Variants in TBC1D2B observed in about 807,000 individuals in gnomAD.
The protein encoded by TBC1D2B is TBC1 domain family member 2B.
In TBC1D2B, 64 loss-of-function variants were observed where a neutral mutation model predicts 100.8. That is an observed-to-expected ratio of 0.64 (90% confidence interval 0.52 to 0.78). The LOEUF is 0.78. Ranked by LOEUF, TBC1D2B falls within the 30% of genes least tolerant of loss-of-function variation. The probability of loss-of-function intolerance (pLI) is 0.00; values close to 1 mark genes in which losing one functional copy is unlikely to be tolerated. For synonymous variants in TBC1D2B, 480 were observed against 479.7 expected, an observed-to-expected ratio of 1.00 and a Z score of -0.01; for missense variants, 1,052 against 1,218.4, an observed-to-expected ratio of 0.86 and a Z score of 2.03.
At chr15:78,020,889 G>A (rs190517718) in intron 6 of TBC1D2B, among the ~76,000 whole-genome samples, 13 of 152,276 alleles carry the variant, frequency 8.5e-5, no homozygotes, top group African/African-American at 3.1e-4. Context: ...AACAGCAAAC[G>A]CAGGAAGAAA....
At position 78,077,422 on chromosome 15, in the gene TBC1D2B, C is replaced by A. The variant is rs755359978; in HGVS notation, c.231G>T (p.Leu77=). 1.3e-6 allele frequency: 2 copies of A among 1,545,942 alleles called. No homozygotes were observed. The highest frequency in any genetic ancestry group is 2.4e-5 in the South Asian group (2 of 83,632). The change falls in exon 1 of 13, where the codon CTG becomes CTT. Residue 77 remains leucine (L), a synonymous_variant. Coordinates refer to ENST00000300584, the MANE Select transcript of TBC1D2B (RefSeq NM_144572.2). ...CCGCGATGTCCAAGTGGCCGAGGGG[C>A]AGCGCGTCCTGCGGACTCTTGAAAT... The part of the protein sequence containing the change: ...LYYFKSPQDA[L]PLGHLDIADA...
intron 3 of TBC1D2B, among the ~76,000 whole-genome samples, chr15:78,039,039 T>G (rs1020478778): frequency 5.9e-5 from 9 of 152,174 alleles, no homozygotes; most frequent in Admixed American, 3.9e-4. Context: ...TTCCTGCAAC[T>G]GCTGAAACTC....
At chr15:78,026,084 A>C (rs1244745060) in intron 4 of TBC1D2B, among the ~76,000 whole-genome samples, 2 of 151,812 alleles carry the variant, frequency 1.3e-5, no homozygotes, top group African/African-American at 4.8e-5. Context: ...CATACTAAGC[A>C]TCCTATTTTT....
chr15:78,073,926 G>A lies in TBC1D2B; in HGVS notation c.360+3367C>T, dbSNP rs553762456. Among the ~76,000 whole-genome samples the A allele has an allele frequency of 1.1e-3, 160 of 151,442 alleles. 1 individual carries two copies. The highest frequency in any genetic ancestry group is 3.6e-3 in the African/African-American group (150 of 41,288). ...AGAGGTTGCAGTTAGCAGAGACTGTGCCACTGCACTCCAGCCTGGGCGACA... is the reference window on the plus strand; with the variant it reads ...AGAGGTTGCAGTTAGCAGAGACTGTACCACTGCACTCCAGCCTGGGCGACA... On this transcript the variant is annotated intron_variant, in intron 1 of 12. Transcript: ENST00000300584.
At chr15:78,008,950 C>A in intron 10 of TBC1D2B, 47 bp downstream of exon 10, 1 of 1,341,940 alleles carries the variant, frequency 7.5e-7, no homozygotes, top group Non-Finnish European at 1.0e-6. Flanking sequence ...CACATTTCAG[C>A]TGCAATTCTA....
Position 78,010,647 on chromosome 15 carries a change from G to A in TBC1D2B, c.2271-1533C>T, listed in dbSNP as rs563134598. Among the ~76,000 whole-genome samples, 29 of 152,030 alleles carry A rather than the reference G, an allele frequency of 1.9e-4. No homozygotes were observed. In the South Asian group the frequency reaches 5.2e-3, roughly 27 times the overall value. ...AAATTGAGAGACAGGACTCGATGGC[G>A]CCAGGAGAAGGGGTAGAGAGTCTGA... On this transcript the variant is annotated intron_variant, in intron 9 of 12. Coordinates refer to ENST00000300584, the MANE Select transcript of TBC1D2B (RefSeq NM_144572.2).
In TBC1D2B at chr15:78,029,992, G is replaced by A. The variant is rs1031271402; in HGVS notation, c.847+15C>T. On this transcript the variant is annotated intron_variant, in intron 4 of 12. Coordinates refer to ENST00000300584, the MANE Select transcript of TBC1D2B (RefSeq NM_144572.2). ...CAGTACAGAGAATGACAGACAACAG[G>A]AAGTACATTGATACCTTTGTTTCCT... The A allele has an allele frequency of 1.9e-6, 3 of 1,598,108 alleles. No individual in the cohort carries two copies. Among genetic ancestry groups the A allele is most frequent in the Non-Finnish European group, 2.6e-6 (3 of 1,172,978 alleles).
intron 3 of TBC1D2B, 62 bp from the exon 4 acceptor site, chr15:78,030,232 T>C (rs1012465615): frequency 6.8e-7 from 1 of 1,462,726 alleles, no homozygotes; most frequent in Non-Finnish European, 9.3e-7. Context: ...CGTAATCTCA[T>C]GTATATAGGA....
At chr15:78,021,587 A>G (rs2072517426) in intron 6 of TBC1D2B, among the ~76,000 whole-genome samples, 1 of 152,168 alleles carries the variant, frequency 6.6e-6, no homozygotes, top group Admixed American at 6.5e-5. Context: ...TAACAGAGCA[A>G]TGTCAGAAAG....
At chr15:78,001,561 G>A in intron 12 of TBC1D2B, 58 bp downstream of exon 12, 2 of 1,545,628 alleles carry the variant, frequency 1.3e-6, no homozygotes, top group South Asian at 2.5e-5. Flanking sequence ...CTGCTCTCAA[G>A]GAGGCAGGGG....
intron 1 of TBC1D2B, chr15:78,066,202 A>G: frequency 2.5e-6 from 1 of 394,200 alleles, no homozygotes; most frequent in Non-Finnish European, 5.3e-6. Flanking sequence ...GGGCCAATGG[A>G]GAATTGGGCC....
chr15:77,998,008 C>G lies in TBC1D2B; in HGVS notation c.*152G>C. On this transcript the variant is annotated 3_prime_UTR_variant, in exon 13 of 13. Transcript: ENST00000300584. ...AGACCTCCCACCCCTGCCCCCCGCA[C>G]AGTGGGAAATGAGGAAGGGCAGCCT... The G allele has an allele frequency of 1.5e-6, 1 of 679,998 alleles. No individual in the cohort carries two copies. Among genetic ancestry groups the G allele is most frequent in the Non-Finnish European group, 2.3e-6 (1 of 425,740 alleles). The allele number at this position is 679,998 out of a possible 1,614,324, so 42.1% of individuals were successfully genotyped here.
intron 6 of TBC1D2B, among the ~76,000 whole-genome samples, chr15:78,019,804 A>G (rs1207407051): frequency 6.6e-6 from 1 of 151,314 alleles, no homozygotes; most frequent in Non-Finnish European, 1.5e-5. Flanking sequence ...CATGAGAATC[A>G]CTTGACCCCA....
chr15:78,076,184 C>G (rs187718704), intron 1 of TBC1D2B, among the ~76,000 whole-genome samples: 68 of 152,246 alleles, frequency 4.5e-4, no homozygotes, highest in African/African-American at 1.6e-3. Context: ...ACAGGGGAGG[C>G]CTTTCAGCAC....
At chr15:78,035,591 C>T (rs1462818165) in intron 3 of TBC1D2B, among the ~76,000 whole-genome samples, 2 of 152,162 alleles carry the variant, frequency 1.3e-5, no homozygotes, top group Admixed American at 1.3e-4. Context: ...ACAAAGGTGG[C>T]GGGGCAGGGA....
intron 2 of TBC1D2B, among the ~76,000 whole-genome samples, chr15:78,050,048 A>C (rs536179444): frequency 2.4e-4 from 37 of 152,328 alleles, no homozygotes; most frequent in African/African-American, 8.7e-4. Context: ...TGGAATCACG[A>C]CATTAAAGGA....
rs1273651998 is a variant in TBC1D2B at position 77,996,812 on chromosome 15, ATTCCACT to A, written c.*1341_*1347del. ...CAGTTTTTTTCGGGTAATATGAAACATTCCACTGAGATCATTTATCTTGTATTTTCAT... is the reference window on the plus strand; with the variant it reads ...CAGTTTTTTTCGGGTAATATGAAACAGAGATCATTTATCTTGTATTTTCAT... On this transcript the variant is annotated 3_prime_UTR_variant, in exon 13 of 13. Coordinates refer to ENST00000300584, the MANE Select transcript of TBC1D2B (RefSeq NM_144572.2). 2 of 152,254 alleles carry A rather than the reference ATTCCACT, an allele frequency of 1.3e-5. No homozygotes were observed. The highest frequency in any genetic ancestry group is 4.8e-5 in the African/African-American group (2 of 41,462). 9.4% of individuals were successfully genotyped at this position (152,254 alleles called of 1,614,324 possible).
chr15:78,000,557 G>C (rs1426988417), intron 12 of TBC1D2B, among the ~76,000 whole-genome samples: 3 of 152,370 alleles, frequency 2.0e-5, no homozygotes, highest in Non-Finnish European at 4.4e-5. Context: ...TCAGGGCACT[G>C]TTGTTGGTGC....
chr15:78,063,821 T>C (rs1277435130), intron 1 of TBC1D2B, among the ~76,000 whole-genome samples: 1 of 152,136 alleles, frequency 6.6e-6, no homozygotes, highest in East Asian at 1.9e-4. Flanking sequence ...CTCAGATTCA[T>C]GCATCCTGAC....
Sources: allele counts gnomAD v4.1 joint callset (sites outside exome capture counted in the v4.1 genomes callset), GRCh38; gene constraint gnomAD v4.1.1; transcripts MANE v1.5; gene names NCBI Gene and HGNC (gene_info 2026-07-23, HGNC 2026-07-21).